Variants in BRIP1 observed in about 807,000 individuals in gnomAD.
BRIP1 encodes BRCA1 interacting DNA helicase 1, also known as Fanconi anemia group J protein.
In BRIP1, 88 loss-of-function variants were observed where a neutral mutation model predicts 119.7. That is an observed-to-expected ratio of 0.74 (90% confidence interval 0.62 to 0.88). The LOEUF is 0.88. Ranked by LOEUF, BRIP1 falls within the 40% of genes least tolerant of loss-of-function variation. The pLI, the probability that BRIP1 is intolerant of heterozygous loss-of-function variation, is 0.00. For synonymous variants in BRIP1, 443 were observed against 496.5 expected, an observed-to-expected ratio of 0.89 and a Z score of 1.43; for missense variants, 1,259 against 1,455.4, an observed-to-expected ratio of 0.87 and a Z score of 2.20.
Position 61,796,176 on chromosome 17 carries a change from T to C in BRIP1, c.1341-2447A>G, listed in dbSNP as rs1246532734. ...TTAATCCCTTGTCAGATGGGTAGTT[T>C]GCAAATATTTTCTCCCATTCTGTGG... is the stretch of plus-strand genomic sequence containing the variant. On this transcript the variant is annotated intron_variant, in intron 9 of 19. Transcript: ENST00000259008. This position sits in a 1 kb window ranked among gnomAD's most constrained non-coding sequence, Gnocchi z 4.8. Among the ~76,000 whole-genome samples the C allele has an allele frequency of 6.6e-6, 1 of 152,162 alleles. No individual in the cohort carries two copies.
rs2077905944 is a variant in BRIP1, at chr17:61,796,737, T to C, written c.1340+2363A>G. On this transcript the variant is annotated intron_variant, in intron 9 of 19. Transcript: ENST00000259008. This position sits in a 1 kb window ranked among gnomAD's most constrained non-coding sequence, Gnocchi z 4.8. ...AATGATTCTAGCTACCAAGCTAGAA[T>C]TGATTACTGGAGAAAGATGAGTGAA... Among the ~76,000 whole-genome samples, 1 of 152,048 alleles carries C rather than the reference T, an allele frequency of 6.6e-6. No homozygotes were observed. The highest frequency in any genetic ancestry group is 2.4e-5 in the African/African-American group (1 of 41,416).
In BRIP1 at chr17:61,695,625, T is replaced by A. The variant is rs560009820; in HGVS notation, c.2493-2113A>T. ...GTCTTCTAATCCATGAACGTGGGATTCTTTCCATTTATTTAGAATTTTCTT... is the reference window on the plus strand; with the variant it reads ...GTCTTCTAATCCATGAACGTGGGATACTTTCCATTTATTTAGAATTTTCTT... On this transcript the variant is annotated intron_variant, in intron 17 of 19. Coordinates refer to ENST00000259008, the MANE Select transcript of BRIP1 (RefSeq NM_032043.3). This position sits in a 1 kb window ranked among gnomAD's most constrained non-coding sequence, Gnocchi z 4.3. 5.0e-4 allele frequency among the ~76,000 whole-genome samples: 76 copies of A among 152,254 alleles called. No homozygotes were observed. Among genetic ancestry groups the A allele is most frequent in the African/African-American group, 1.8e-3 (74 of 41,588 alleles).
chr17:61,716,212 A>G, intron 16 of BRIP1, 149 bp from the exon 17 acceptor site: 1 of 562,538 alleles, frequency 1.8e-6, no homozygotes, highest in Non-Finnish European at 3.0e-6. Context: ...GTTTCATTTA[A>G]AATAGTTTTA....
chr17:61,731,134 A>C (rs2144568047), intron 16 of BRIP1, among the ~76,000 whole-genome samples: 1 of 152,146 alleles, frequency 6.6e-6, no homozygotes, highest in South Asian at 2.1e-4. Flanking sequence ...AAAAAGGTTT[A>C]AGTAATTGAG....
At chr17:61,766,869 T>C (rs528312705) in intron 14 of BRIP1, among the ~76,000 whole-genome samples, 1 of 152,264 alleles carries the variant, frequency 6.6e-6, no homozygotes, top group South Asian at 2.1e-4. Flanking sequence ...TAGAAAAGTT[T>C]CTATTCTCTT....
intron 6 of BRIP1, among the ~76,000 whole-genome samples, chr17:61,820,036 TAA>T (rs1243458507): frequency 7.3e-6 from 1 of 137,482 alleles, no homozygotes. Flanking sequence ...AATTAAAAAT[TAA>T]AAAAAAAAAA....
rs1241373841 is a variant in BRIP1, at chr17:61,756,984, A to G, written c.2098-12393T>C. Among the ~76,000 whole-genome samples, 1 of 152,208 alleles carries G rather than the reference A, an allele frequency of 6.6e-6. No individual in the cohort carries two copies. The highest frequency in any genetic ancestry group is 1.5e-5 in the Non-Finnish European group (1 of 68,028). The stretch of plus-strand genomic sequence containing the variant: ...TAATCTTACTCACATAATTTATTTC[A>G]TAAGTAGAACCTGGTATATTTTTCC... On this transcript the variant is annotated intron_variant, in intron 14 of 19. Transcript: ENST00000259008. This position sits in a 1 kb window ranked among gnomAD's most constrained non-coding sequence, Gnocchi z 4.3.
intron 4 of BRIP1, among the ~76,000 whole-genome samples, chr17:61,855,265 T>A (rs931701175): frequency 6.6e-6 from 1 of 152,142 alleles, no homozygotes; most frequent in African/African-American, 2.4e-5. Flanking sequence ...TGGAGGTACA[T>A]ATGTCAAAAT....
chr17:61,709,048 G>T lies in BRIP1; in HGVS notation c.2492+6903C>A, dbSNP rs1480350387. Reference sequence around the variant, plus strand: ...TCAACCTTTCCAGAAGTAAACCTGGGTGAGGGAGGAGGCTAATTGTTTCTT... The same window carrying T: ...TCAACCTTTCCAGAAGTAAACCTGGTTGAGGGAGGAGGCTAATTGTTTCTT... On this transcript the variant is annotated intron_variant, in intron 17 of 19. Transcript: ENST00000259008. The surrounding 1 kb of genome is among the most constrained non-coding windows in gnomAD (Gnocchi z 5.0). 6.6e-6 allele frequency among the ~76,000 whole-genome samples: 1 copy of T among 152,178 alleles called. No homozygotes were observed. Among genetic ancestry groups the T allele is most frequent in the Non-Finnish European group, 1.5e-5 (1 of 68,036 alleles).
rs2078714542 is a variant in BRIP1, at chr17:61,845,474, T to C, written c.627+1627A>G. On this transcript the variant is annotated intron_variant, in intron 6 of 19. Transcript: ENST00000259008. The surrounding 1 kb of genome is among the most constrained non-coding windows in gnomAD (Gnocchi z 4.2). ...ATGTTGACACATTTCATTATATAAA[T>C]ATAAAAAGTCATATTCTGTAATATC... Among the ~76,000 whole-genome samples the C allele has an allele frequency of 6.6e-6, 1 of 152,224 alleles. No homozygotes were observed. Among genetic ancestry groups the C allele is most frequent in the Admixed American group, 6.5e-5 (1 of 15,284 alleles).
chr17:61,781,630 TA>T (rs1289492506), intron 11 of BRIP1, among the ~76,000 whole-genome samples: 3 of 151,984 alleles, frequency 2.0e-5, no homozygotes, highest in African/African-American at 7.2e-5. Flanking sequence ...AGCTTAAAAA[TA>T]ATAAAATGTG....
intron 10 of BRIP1, among the ~76,000 whole-genome samples, chr17:61,787,403 T>C (rs2077744497): frequency 7.6e-6 from 1 of 132,418 alleles, no homozygotes; most frequent in Non-Finnish European, 1.6e-5. Context: ...TATATATTTA[T>C]ATAAAATATT....
At chr17:61,786,900 A>G (rs1245973984) in intron 10 of BRIP1, among the ~76,000 whole-genome samples, 1 of 98,502 alleles carries the variant, frequency 1.0e-5, no homozygotes, top group East Asian at 2.9e-4. Flanking sequence ...TATATTTTAT[A>G]TATAATGTAA....
Position 61,823,657 on chromosome 17 carries a change from T to A in BRIP1, c.628-14900A>T, listed in dbSNP as rs1245035052. Among the ~76,000 whole-genome samples, 1 of 151,462 alleles carries A rather than the reference T, an allele frequency of 6.6e-6. No homozygotes were observed. The highest frequency in any genetic ancestry group is 1.9e-4 in the East Asian group (1 of 5,178). On this transcript the variant is annotated intron_variant, in intron 6 of 19. Coordinates refer to ENST00000259008, the MANE Select transcript of BRIP1 (RefSeq NM_032043.3). The surrounding 1 kb of genome is among the most constrained non-coding windows in gnomAD (Gnocchi z 4.8). ...TGAAGTCTGAAAGGAAAAAAATGAG[T>A]ACTTAAGAAAATATTTTTAAATGGC...
In BRIP1 at chr17:61,843,955, C is replaced by T. The variant is rs1394574998; in HGVS notation, c.627+3146G>A. Among the ~76,000 whole-genome samples, 3 of 151,546 alleles carry T rather than the reference C, an allele frequency of 2.0e-5. No homozygotes were observed. The highest frequency in any genetic ancestry group is 4.4e-5 in the Non-Finnish European group (3 of 67,928). On this transcript the variant is annotated intron_variant, in intron 6 of 19. Transcript: ENST00000259008. This position sits in a 1 kb window ranked among gnomAD's most constrained non-coding sequence, Gnocchi z 5.7. ...TTATTTTTTTTTAGAGACAGGGTCTCGCTCTGTCACCCAGACTGGAGTACA... is the reference window on the plus strand; with the variant it reads ...TTATTTTTTTTTAGAGACAGGGTCTTGCTCTGTCACCCAGACTGGAGTACA...
rs2144259146 is a variant in BRIP1 at position 61,701,122 on chromosome 17, C to T, written c.2493-7610G>A. On this transcript the variant is annotated intron_variant, in intron 17 of 19. Transcript: ENST00000259008. This position sits in a 1 kb window ranked among gnomAD's most constrained non-coding sequence, Gnocchi z 5.1. The stretch of plus-strand genomic sequence containing the variant: ...TTTGAACTAGCTTTCTCTCCTAAGG[C>T]ATAGCTTTGTCTACTAAGACAAATG... Among the ~76,000 whole-genome samples, 1 of 152,302 alleles carries T rather than the reference C, an allele frequency of 6.6e-6. No individual in the cohort carries two copies. The highest frequency in any genetic ancestry group is 3.4e-3 in the Middle Eastern group (1 of 294).
At position 61,801,340 on chromosome 17, in the gene BRIP1, T is replaced by C. The variant is rs544977115; in HGVS notation, c.1053A>G (p.Pro351=). 21 of 1,614,092 alleles carry C rather than the reference T, an allele frequency of 1.3e-5. No individual in the cohort carries two copies. In the African/African-American group the frequency reaches 2.5e-4, roughly 19 times the overall value. Residue 351 remains proline, a synonymous_variant, in exon 8 of 20, where the codon CCA becomes CCG. Coordinates refer to ENST00000259008, the MANE Select transcript of BRIP1 (RefSeq NM_032043.3). ...VSLGKKLKAC[P]YYTARELIQD... ...GTATTAGTTCTCGGGCTGTGTAATA[T>C]GGACAGGCCTTTAGTTTCTTCCCCA... is the stretch of plus-strand genomic sequence containing the variant.
intron 18 of BRIP1, among the ~76,000 whole-genome samples, chr17:61,692,486 A>C (rs1050755871): frequency 6.6e-6 from 1 of 152,174 alleles, no homozygotes; most frequent in Non-Finnish European, 1.5e-5. Context: ...AAAACACACC[A>C]AAAACCAAAC....
chr17:61,775,792 C>G lies in BRIP1; in HGVS notation c.2097+609G>C, dbSNP rs1191900844. ...AAAGAATGCTCTGTTTCTTTCTACT[C>G]TGAAAATATCGACTTGTCCCTAAGA... On this transcript the variant is annotated intron_variant, in intron 14 of 19. Transcript: ENST00000259008. The surrounding 1 kb of genome is among the most constrained non-coding windows in gnomAD (Gnocchi z 4.4). The G allele has an allele frequency of 6.6e-6, 1 of 152,202 alleles. No individual in the cohort carries two copies. Among genetic ancestry groups the G allele is most frequent in the African/African-American group, 2.4e-5 (1 of 41,444 alleles). The allele number at this position is 152,202 out of a possible 1,614,324, so 9.4% of individuals were successfully genotyped here.
Sources: allele counts gnomAD v4.1 joint callset (sites outside exome capture counted in the v4.1 genomes callset), GRCh38; gene constraint gnomAD v4.1.1; non-coding constraint Gnocchi (gnomAD v3.1); transcripts MANE v1.5; gene names NCBI Gene and HGNC (gene_info 2026-07-23, HGNC 2026-07-21).